Variants in WASHC2C observed in about 807,000 individuals in gnomAD.
The protein encoded by WASHC2C is Vaccinia Penetration Factor.
In WASHC2C, 73 loss-of-function variants were observed where a neutral mutation model predicts 142.2. The ratio of observed to expected loss-of-function variants is 0.51; its 90% CI spans 0.43 to 0.62. WASHC2C has a LOEUF of 0.62. WASHC2C is among the 20% of genes least tolerant of loss of function. The pLI is 0.00. For missense variants in WASHC2C, 969 were observed against 1,531.7 expected (o/e 0.63, Z 6.13); for synonymous variants, 337 against 565.5 (o/e 0.60, Z 5.73).
At chr10:45,739,287 GTTTT>G (rs201280534) in intron 4 of WASHC2C, among the ~76,000 whole-genome samples, 1 of 129,052 alleles carries the variant, frequency 7.7e-6, no homozygotes, top group Admixed American at 7.8e-5. Flanking sequence ...TGCTCGTAGG[GTTTT>G]TTTTTTTTTT....
At chr10:45,788,802 T>A in intron 28 of WASHC2C, 69 bp from the exon 29 acceptor site, 1 of 1,611,946 alleles carries the variant, frequency 6.2e-7, no homozygotes, top group Non-Finnish European at 8.5e-7. Flanking sequence ...AGTCACTGAT[T>A]CTTTGCCATG....
chr10:45,789,628 C>A, intron 29 of WASHC2C, 137 bp downstream of exon 29: 2 of 1,463,480 alleles, frequency 1.4e-6, no homozygotes, highest in Non-Finnish European at 1.9e-6. Context: ...TAATTAGGCT[C>A]TTTTATTAAT....
intron 3 of WASHC2C, among the ~76,000 whole-genome samples, chr10:45,731,179 A>T (rs2050529961): frequency 7.0e-6 from 1 of 142,008 alleles, no homozygotes. Flanking sequence ...AATACTGGGG[A>T]TTTCCTGTTT....
chr10:45,734,117 C>T (rs1183307255), intron 3 of WASHC2C, among the ~76,000 whole-genome samples: 20 of 152,046 alleles, frequency 1.3e-4, no homozygotes, highest in Non-Finnish European at 1.9e-4. Flanking sequence ...CCCAGCTACT[C>T]GGGAGCCTGA....
At position 45,769,431 on chromosome 10, in the gene WASHC2C, T is replaced by C. The variant is rs1486093050; in HGVS notation, c.1870-18T>C. 3.7e-6 allele frequency: 6 copies of C among 1,604,352 alleles called. No homozygotes were observed. Among genetic ancestry groups the C allele is most frequent in the Non-Finnish European group, 5.1e-6 (6 of 1,175,380 alleles). ...CTGCGCCTGGCCTGGAGTTTTAATATATATTTTATGTTTTAAGGACCAGTG... is the reference window on the plus strand; with the variant it reads ...CTGCGCCTGGCCTGGAGTTTTAATACATATTTTATGTTTTAAGGACCAGTG... On this transcript the variant is annotated intron_variant, in intron 19 of 30. Coordinates refer to ENST00000623400, the MANE Select transcript of WASHC2C (RefSeq NM_001330074.2).
chr10:45,784,959 C>T, intron 25 of WASHC2C, 58 bp downstream of exon 25: 2 of 1,610,820 alleles, frequency 1.2e-6, no homozygotes, highest in Admixed American at 1.7e-5. Context: ...GGAAAGGAAA[C>T]TAACGTCCAG....
chr10:45,757,219 C>CTGT (rs1185088889), intron 16 of WASHC2C, 80 bp downstream of exon 16: 1 of 1,601,230 alleles, frequency 6.2e-7, no homozygotes, highest in African/African-American at 1.3e-5. Context: ...GAGGGAAGTA[C>CTGT]TGTTCCCTTT....
At chr10:45,790,232 T>C (rs2058319282) in intron 29 of WASHC2C, 124 bp from the exon 30 acceptor site, 3 of 1,491,274 alleles carry the variant, frequency 2.0e-6, no homozygotes, top group Non-Finnish European at 2.7e-6. Flanking sequence ...CCAGGCAGAG[T>C]GGGCAGTCTC....
intron 3 of WASHC2C, among the ~76,000 whole-genome samples, chr10:45,736,721 C>T (rs1343773505): frequency 6.6e-6 from 1 of 152,100 alleles, no homozygotes; most frequent in Non-Finnish European, 1.5e-5. Flanking sequence ...ATTGGGTATT[C>T]CAAGGATCAG....
In WASHC2C at chr10:45,785,479, T is replaced by C. The variant is rs1364817766; in HGVS notation, c.2689-30T>C. The C allele has an allele frequency of 5.6e-6, 9 of 1,610,920 alleles. No homozygotes were observed. In the Middle Eastern group the frequency reaches 9.9e-4, roughly 177 times the overall value. ...TCCTTAAAACTTCTAAGATATTTGA[T>C]GCCTTTTTGGTATTTTTTTTCTTTT... On this transcript the variant is annotated intron_variant, in intron 25 of 30. Transcript: ENST00000623400.
At chr10:45,749,726 C>T (rs539935945) in intron 8 of WASHC2C, among the ~76,000 whole-genome samples, 255 of 147,392 alleles carry the variant, frequency 1.7e-3, no homozygotes, top group African/African-American at 5.9e-3. Context: ...CTCGGAAGGC[C>T]GAGGCAGGAG....
At chr10:45,745,575 C>T (rs2052718726) in intron 7 of WASHC2C, among the ~76,000 whole-genome samples, 1 of 151,326 alleles carries the variant, frequency 6.6e-6, no homozygotes, top group African/African-American at 2.4e-5. Context: ...GCCTTTCTTC[C>T]AGTCCTCCAA....
rs1044010304 is a variant in WASHC2C, at chr10:45,727,303, A to C, written c.-15A>C. On this transcript the variant is annotated 5_prime_UTR_variant, in exon 1 of 31. Transcript: ENST00000623400. ...GTGCTGGCAGCCTCGGAGCCCACCG[A>C]GCCGGGCGGCTGGGATGGTGAGGGC... 4 of 1,566,428 alleles carry C rather than the reference A, an allele frequency of 2.6e-6. No individual in the cohort carries two copies. The highest frequency in any genetic ancestry group is 3.5e-6 in the Non-Finnish European group (4 of 1,157,056).
At chr10:45,767,084 T>C (rs1205825179) in intron 19 of WASHC2C, among the ~76,000 whole-genome samples, 2 of 151,072 alleles carry the variant, frequency 1.3e-5, no homozygotes, top group East Asian at 1.9e-4. Flanking sequence ...CTAACCAACA[T>C]GGAGAAACCT....
chr10:45,727,977 GTGGTGGTTGAT>G (rs1356684389), intron 2 of WASHC2C, among the ~76,000 whole-genome samples: 1 of 152,220 alleles, frequency 6.6e-6, no homozygotes, highest in African/African-American at 2.4e-5. Flanking sequence ...TTGAATAAGA[GTGGTGGTTGAT>G]TAGCTAACCC....
intron 16 of WASHC2C, among the ~76,000 whole-genome samples, chr10:45,757,906 G>A (rs1441152023): frequency 6.6e-6 from 1 of 152,244 alleles, no homozygotes; most frequent in African/African-American, 2.4e-5. Context: ...GCCATGGACT[G>A]GTCTGCAGCC....
At chr10:45,749,383 C>T (rs1294540575) in intron 8 of WASHC2C, among the ~76,000 whole-genome samples, 4 of 150,442 alleles carry the variant, frequency 2.7e-5, no homozygotes, top group African/African-American at 9.9e-5. Flanking sequence ...TGCAGTGAGC[C>T]GAGATCACCC....
rs1454280502 is a variant in WASHC2C at position 45,784,415 on chromosome 10, T to TACTGAGTG, written c.2479-149_2479-142dup. The TACTGAGTG allele has an allele frequency of 3.1e-4, 232 of 756,114 alleles. 2 individuals are homozygous for TACTGAGTG. The African/African-American group carries it at 3.8e-3, about 12-fold the overall frequency. 46.8% of individuals were successfully genotyped at this position (756,114 alleles called of 1,614,324 possible). A position where few individuals can be genotyped will look rare whatever the true frequency, so the allele number is the denominator to read the frequency against. ...CCATTTTGTCAATGTTTCATTCCCC[T>TACTGAGTG]ACTGAGTGGCTTTTAGGCTGTGGCC... is the stretch of plus-strand genomic sequence containing the variant. On this transcript the variant is annotated intron_variant, in intron 23 of 30. Transcript: ENST00000623400.
intron 20 of WASHC2C, among the ~76,000 whole-genome samples, chr10:45,771,922 T>C (rs2056627974): frequency 6.6e-6 from 1 of 152,180 alleles, no homozygotes; most frequent in Admixed American, 6.5e-5. Flanking sequence ...GAAATGAAAT[T>C]AGTTGTTCAT....
Sources: allele counts gnomAD v4.1 joint callset (sites outside exome capture counted in the v4.1 genomes callset), GRCh38; gene constraint gnomAD v4.1.1; transcripts MANE v1.5; gene names NCBI Gene and HGNC (gene_info 2026-07-23, HGNC 2026-07-21).